Variants in RAB11FIP4 observed in about 807,000 individuals in gnomAD.
The protein encoded by RAB11FIP4 is rab11 family-interacting protein 4.
Under a neutral mutation model 74.3 loss-of-function variants are expected in RAB11FIP4, and 23 were observed. The ratio of observed to expected loss-of-function variants is 0.31; its 90% CI spans 0.22 to 0.44. The LOEUF (loss-of-function observed/expected upper bound fraction) is 0.44. RAB11FIP4 is among the 20% of genes least tolerant of loss of function. The pLI is 1.00. For synonymous variants in RAB11FIP4, 360 were observed against 359.9 expected (o/e 1.00, Z 0.00); for missense variants, 630 against 863.9 (o/e 0.73, Z 3.39).
intron 1 of RAB11FIP4, among the ~76,000 whole-genome samples, chr17:31,397,231 C>T (rs2070939725): frequency 6.6e-6 from 1 of 152,150 alleles, no homozygotes; most frequent in Non-Finnish European, 1.5e-5. Context: ...ATCAGTGGTT[C>T]CCTGTAGGCA....
intron 3 of RAB11FIP4, among the ~76,000 whole-genome samples, chr17:31,511,686 C>T (rs887765529): frequency 6.6e-6 from 1 of 152,202 alleles, no homozygotes; most frequent in Admixed American, 6.5e-5. Flanking sequence ...GGTGGCTCCC[C>T]ATGGGGGAGG....
intron 3 of RAB11FIP4, among the ~76,000 whole-genome samples, chr17:31,481,655 A>G (rs1271464164): frequency 6.6e-6 from 1 of 152,164 alleles, no homozygotes; most frequent in Non-Finnish European, 1.5e-5. Context: ...AGTCAAAAGA[A>G]CACCTTGCTG....
chr17:31,446,021 CTTTCTATTTT>C (rs1191588056), intron 3 of RAB11FIP4, among the ~76,000 whole-genome samples: 2 of 147,820 alleles, frequency 1.4e-5, no homozygotes, highest in African/African-American at 5.0e-5. Context: ...TCTTTTCTTT[CTTTCTATTTT>C]TTTCTTTTTT....
chr17:31,435,970 TGAATATGTA>T (rs1321952994), intron 3 of RAB11FIP4, among the ~76,000 whole-genome samples: 1 of 152,186 alleles, frequency 6.6e-6, no homozygotes, highest in Non-Finnish European at 1.5e-5. Context: ...AAGCAGGGGT[TGAATATGTA>T]TTTGGGGCCA....
At chr17:31,411,986 A>G (rs1394032443) in intron 1 of RAB11FIP4, among the ~76,000 whole-genome samples, 1 of 152,210 alleles carries the variant, frequency 6.6e-6, no homozygotes, top group African/African-American at 2.4e-5. Context: ...AGGACCGAGC[A>G]TCTCATGAGG....
intron 3 of RAB11FIP4, among the ~76,000 whole-genome samples, chr17:31,454,911 G>A (rs2071564680): frequency 6.6e-6 from 1 of 152,072 alleles, no homozygotes; most frequent in Non-Finnish European, 1.5e-5. Context: ...CTGTCTGTGG[G>A]CTCTAGGGAG....
chr17:31,455,641 G>GAAGCAGAGCATCCTC (rs6146030), intron 3 of RAB11FIP4, among the ~76,000 whole-genome samples: 1 of 151,898 alleles, frequency 6.6e-6, no homozygotes, highest in South Asian at 2.1e-4. Context: ...CAGGGAGTGG[G>GAAGCAGAGCATCCTC]TCTGCTCTGA....
intron 1 of RAB11FIP4, among the ~76,000 whole-genome samples, chr17:31,394,497 TTTTTCTTTTC>T (rs766321170): frequency 5.3e-5 from 8 of 152,332 alleles, no homozygotes; most frequent in South Asian, 2.1e-4. Flanking sequence ...ACACAATTCC[TTTTTCTTTTC>T]TTTTCTTTTC....
intron 1 of RAB11FIP4, among the ~76,000 whole-genome samples, chr17:31,403,399 T>C (rs1046956988): frequency 6.6e-6 from 1 of 151,924 alleles, no homozygotes; most frequent in Non-Finnish European, 1.5e-5. Context: ...CTCGGCTCAC[T>C]GCAACCTCTG....
intron 2 of RAB11FIP4, among the ~76,000 whole-genome samples, chr17:31,433,616 T>G (rs2071330042): frequency 6.6e-6 from 1 of 152,208 alleles, no homozygotes; most frequent in Non-Finnish European, 1.5e-5. Flanking sequence ...AGCCCTGTCC[T>G]GGACGTCCCA....
chr17:31,511,978 G>GT (rs950654203), intron 3 of RAB11FIP4, among the ~76,000 whole-genome samples: 3 of 152,216 alleles, frequency 2.0e-5, no homozygotes, highest in African/African-American at 4.8e-5. Context: ...GGACAGCGAG[G>GT]TAGGGGTGCA....
At position 31,391,903 on chromosome 17, in the gene RAB11FIP4, C is replaced by T. The variant is rs931030503; in HGVS notation, c.51C>T (p.Ser17=). ...GCGCCCCCGCGGCTCTGCTGCGCTC[C>T]GTGCGCCGCCTGCGCGAGGTGTTCG... ...WSGAPAALLR[S]VRRLREVFEV... The change falls in exon 1 of 15, where the codon TCC becomes TCT. Residue 17 remains serine (S), a synonymous_variant. Coordinates refer to ENST00000621161, the MANE Select transcript of RAB11FIP4 (RefSeq NM_032932.6). 1 of 1,319,404 alleles carries T rather than the reference C, an allele frequency of 7.6e-7. No homozygotes were observed. The highest frequency in any genetic ancestry group is 9.7e-7 in the Non-Finnish European group (1 of 1,031,452). 81.7% of individuals were successfully genotyped at this position (1,319,404 alleles called of 1,614,324 possible).
At chr17:31,394,533 A>G (rs772521854) in intron 1 of RAB11FIP4, among the ~76,000 whole-genome samples, 2 of 151,812 alleles carry the variant, frequency 1.3e-5, no homozygotes, top group East Asian at 1.9e-4. Context: ...TCTTTTAACA[A>G]TCCTGGCTTG....
chr17:31,505,625 AATTAT>A (rs1443637327), intron 3 of RAB11FIP4, among the ~76,000 whole-genome samples: 5 of 80,952 alleles, frequency 6.2e-5, no homozygotes, highest in South Asian at 2.9e-4. Context: ...TATAATATAT[AATTAT>A]ATAATAATAA....
Position 31,512,815 on chromosome 17 carries a change from G to A in RAB11FIP4, c.337-4836G>A, listed in dbSNP as rs2072476742. ...GCCTGGACATGTGTAGGGTCCCTGG[G>A]TGGTGACTGGACGGCCGTGTGTGGA... On this transcript the variant is annotated intron_variant, in intron 3 of 14. Coordinates refer to ENST00000621161, the MANE Select transcript of RAB11FIP4 (RefSeq NM_032932.6). The surrounding 1 kb of genome is among the most constrained non-coding windows in gnomAD (Gnocchi z 4.1). 6.6e-6 allele frequency among the ~76,000 whole-genome samples: 1 copy of A among 152,196 alleles called. No individual in the cohort carries two copies. Among genetic ancestry groups the A allele is most frequent in the Non-Finnish European group, 1.5e-5 (1 of 68,030 alleles).
At chr17:31,481,021 CACTA>C (rs2071843670) in intron 3 of RAB11FIP4, among the ~76,000 whole-genome samples, 1 of 152,018 alleles carries the variant, frequency 6.6e-6, no homozygotes, top group African/African-American at 2.4e-5. Flanking sequence ...CAGAGCCTGG[CACTA>C]ACTGTTTTGA....
chr17:31,499,444 C>A (rs1484405868), intron 3 of RAB11FIP4, among the ~76,000 whole-genome samples: 4 of 152,144 alleles, frequency 2.6e-5, no homozygotes, highest in African/African-American at 9.7e-5. Flanking sequence ...CAACCTCCTA[C>A]TCCCTGGTTC....
At chr17:31,496,901 G>A (rs2072126685) in intron 3 of RAB11FIP4, among the ~76,000 whole-genome samples, 1 of 152,220 alleles carries the variant, frequency 6.6e-6, no homozygotes, top group Admixed American at 6.5e-5. Flanking sequence ...TACCCTCCTT[G>A]CTGCGTTAAA....
chr17:31,448,719 C>G (rs553333151), intron 3 of RAB11FIP4, among the ~76,000 whole-genome samples: 4 of 152,088 alleles, frequency 2.6e-5, no homozygotes, highest in Non-Finnish European at 5.9e-5. Flanking sequence ...TGATTCCAGC[C>G]CTCTTTGTCT....
Sources: gnomAD v4.1 joint callset for allele counts (sites outside exome capture counted in the v4.1 genomes callset) on GRCh38, gnomAD v4.1.1 for gene constraint, Gnocchi (gnomAD v3.1) non-coding constraint, MANE v1.5 for transcripts, NCBI Gene and HGNC (gene_info 2026-07-23, HGNC 2026-07-21) for gene names.